Variants in MACROD2 observed in about 807,000 individuals in gnomAD.
MACROD2 encodes ADP-ribose glycohydrolase MACROD2.
A neutral mutation model predicts 70.4 loss-of-function variants in MACROD2; 36 were observed. That is an observed-to-expected ratio of 0.51 (90% confidence interval 0.39 to 0.68). The LOEUF is 0.68. MACROD2 is among the 30% of genes least tolerant of loss of function. The pLI is 0.00. For missense variants in MACROD2, 496 were observed against 538.4 expected, an observed-to-expected ratio of 0.92 and a Z score of 0.78; for synonymous variants, 172 against 178.8, an observed-to-expected ratio of 0.96 and a Z score of 0.30.
intron 5 of MACROD2, among the ~76,000 whole-genome samples, chr20:15,220,630 T>C (rs1229828712): frequency 1.1e-4 from 17 of 152,256 alleles, no homozygotes; most frequent in Admixed American, 9.8e-4. Flanking sequence ...AGTGATATTA[T>C]AGAGCAACAG....
chr20:14,519,599 A>G (rs1372190016), intron 4 of MACROD2, among the ~76,000 whole-genome samples: 1 of 152,190 alleles, frequency 6.6e-6, no homozygotes, highest in African/African-American at 2.4e-5. Context: ...AAAAGAGGAT[A>G]CTTACATACT....
intron 3 of MACROD2, among the ~76,000 whole-genome samples, chr20:14,152,824 G>A (rs1248265815): frequency 6.6e-6 from 1 of 152,094 alleles, no homozygotes; most frequent in Non-Finnish European, 1.5e-5. Context: ...CAACTCTTGT[G>A]TTTCTGTTGG....
At chr20:15,092,166 A>G (rs932913281) in intron 5 of MACROD2, among the ~76,000 whole-genome samples, 2 of 152,104 alleles carry the variant, frequency 1.3e-5, no homozygotes, top group Non-Finnish European at 2.9e-5. Context: ...GGTTTGACCA[A>G]TTGTGGCCAT....
chr20:16,048,176 A>G (rs1235173215), intron 17 of MACROD2, among the ~76,000 whole-genome samples: 2 of 152,204 alleles, frequency 1.3e-5, no homozygotes, highest in African/African-American at 2.4e-5. Context: ...CTGAAGTTGA[A>G]TTCATAGTTT....
At chr20:15,082,249 A>G (rs772035208) in intron 5 of MACROD2, among the ~76,000 whole-genome samples, 6 of 152,208 alleles carry the variant, frequency 3.9e-5, no homozygotes, top group Non-Finnish European at 7.3e-5. Context: ...ATTTCTGACT[A>G]AACCGTGTGT....
chr20:15,907,272 G>T (rs1319429965), intron 10 of MACROD2, among the ~76,000 whole-genome samples: 1 of 152,236 alleles, frequency 6.6e-6, no homozygotes, highest in African/African-American at 2.4e-5. Flanking sequence ...ATGGTTCAAT[G>T]TGGGGAACCA....
chr20:14,625,408 T>C (rs1214036270), intron 4 of MACROD2, among the ~76,000 whole-genome samples: 1 of 152,034 alleles, frequency 6.6e-6, no homozygotes, highest in Non-Finnish European at 1.5e-5. Flanking sequence ...TGAATGGTCA[T>C]GAAGTGTGAA....
chr20:14,359,189 A>AAGAC (rs1555785058), intron 3 of MACROD2, among the ~76,000 whole-genome samples: 1 of 151,888 alleles, frequency 6.6e-6, no homozygotes, highest in African/African-American at 2.4e-5. Context: ...CTCTGTCTCA[A>AAGAC]AAACAAACAA....
intron 13 of MACROD2, among the ~76,000 whole-genome samples, chr20:15,981,810 G>C (rs1031903031): frequency 6.6e-6 from 1 of 152,052 alleles, no homozygotes; most frequent in Non-Finnish European, 1.5e-5. Context: ...TGAGGGGTTT[G>C]TGATGACTAA....
intron 5 of MACROD2, among the ~76,000 whole-genome samples, chr20:15,208,303 C>A (rs6043134): frequency 0.029 from 4,406 of 152,042 alleles, 131 homozygotes; most frequent in Middle Eastern, 0.068. Flanking sequence ...TTTGCTGAGA[C>A]TTTCTATCTG....
chr20:15,892,812 T>C, intron 10 of MACROD2: 1 of 394,766 alleles, frequency 2.5e-6, no homozygotes, highest in East Asian at 3.6e-5. Flanking sequence ...GAAACTGCAA[T>C]TAAGATTCAG....
chr20:15,405,239 CAA>C (rs71340224), intron 6 of MACROD2, among the ~76,000 whole-genome samples: 8 of 127,036 alleles, frequency 6.3e-5, no homozygotes, highest in African/African-American at 2.3e-4. Context: ...TGTGAATATA[CAA>C]AAAAAAAAAA....
chr20:14,113,717 C>A lies in MACROD2; in HGVS notation c.271+27989C>A, dbSNP rs548579056. On this transcript the variant is annotated intron_variant, in intron 3 of 17. Coordinates refer to ENST00000684519, the MANE Select transcript of MACROD2 (RefSeq NM_001351661.2). ...TTCCAGGTGGAAATTAATTCTGGAA[C>A]ATGTCCATTACCACTGGGTTGAAGA... Among the ~76,000 whole-genome samples the A allele has an allele frequency of 2.7e-4, 41 of 152,210 alleles. No individual in the cohort carries two copies. In the South Asian group the frequency reaches 5.2e-3, roughly 19 times the overall value.
intron 7 of MACROD2, among the ~76,000 whole-genome samples, chr20:15,444,920 T>A (rs2146381493): frequency 6.6e-6 from 1 of 151,532 alleles, no homozygotes; most frequent in East Asian, 2.0e-4. Context: ...AAAATGCTTA[T>A]CATAGTGTCA....
chr20:14,854,312 G>C (rs1390422242), intron 5 of MACROD2, among the ~76,000 whole-genome samples: 4 of 152,126 alleles, frequency 2.6e-5, no homozygotes, highest in Non-Finnish European at 4.4e-5. Context: ...CTGAATGCTT[G>C]TTCTTGAATT....
intron 5 of MACROD2, among the ~76,000 whole-genome samples, chr20:14,787,220 C>T (rs1408781848): frequency 1.3e-5 from 2 of 151,992 alleles, no homozygotes; most frequent in Non-Finnish European, 2.9e-5. Context: ...TTTGAAGCTT[C>T]TTCATCAATC....
chr20:15,289,656 T>C (rs1186149472), intron 6 of MACROD2, among the ~76,000 whole-genome samples: 2 of 152,210 alleles, frequency 1.3e-5, no homozygotes, highest in African/African-American at 4.8e-5. Flanking sequence ...TTATTATTTT[T>C]TCTTTCTGTG....
chr20:15,166,906 A>C (rs1359288003), intron 5 of MACROD2, among the ~76,000 whole-genome samples: 1 of 150,356 alleles, frequency 6.7e-6, no homozygotes, highest in African/African-American at 2.4e-5. Flanking sequence ...GTATTAATTT[A>C]AGTATTTAAT....
At chr20:14,800,476 G>T (rs1461825322) in intron 5 of MACROD2, among the ~76,000 whole-genome samples, 8 of 152,050 alleles carry the variant, frequency 5.3e-5, no homozygotes, top group Admixed American at 5.2e-4. Context: ...GGTTATTTCT[G>T]TCATTTTTAA....
Sources: gnomAD v4.1 joint callset for allele counts (sites outside exome capture counted in the v4.1 genomes callset) on GRCh38, gnomAD v4.1.1 for gene constraint, MANE v1.5 for transcripts, NCBI Gene and HGNC (gene_info 2026-07-23, HGNC 2026-07-21) for gene names.